BEST1: variants seen among roughly 807,000 people sequenced by gnomAD.
BEST1 encodes the protein bestrophin-1.
Under a neutral mutation model 63.3 loss-of-function variants are expected in BEST1, and 58 were observed. The ratio of observed to expected loss-of-function variants is 0.92; its 90% CI spans 0.74 to 1.14. BEST1 has a LOEUF of 1.14. Ranked by LOEUF, BEST1 falls within the 50% of genes most tolerant of loss-of-function variation. BEST1 has a pLI of 0.00. For synonymous variants in BEST1, 283 were observed against 291.6 expected (o/e 0.97, Z 0.30); for missense variants, 671 against 740.1 (o/e 0.91, Z 1.08).
Position 61,956,871 on chromosome 11 carries a change from A to G in BEST1, c.509A>G (p.Gln170Arg). Reference sequence around the variant, plus strand: ...TTTATGACTCCGGCAGAACACAAGCAGTTGGAGAAACTGAGCCTACCACAC... The same window carrying G: ...TTTATGACTCCGGCAGAACACAAGCGGTTGGAGAAACTGAGCCTACCACAC... ...AGFMTPAEHK[Q>R]LEKLSLPHNM... is the part of the protein sequence containing the mutation. The change falls in exon 5 of 11, where the codon CAG becomes CGG. Residue 170 changes from glutamine (Q) to arginine (R), a missense_variant. Physicochemically the swap from Gln to Arg is conservative, Grantham distance 43 (BLOSUM62 1). Transcript: ENST00000378043. 1 of 1,614,146 alleles carries G rather than the reference A, an allele frequency of 6.2e-7. No homozygotes were observed. The highest frequency in any genetic ancestry group is 8.5e-7 in the Non-Finnish European group (1 of 1,180,026).
Position 61,964,298 on chromosome 11 carries a change from G to T in BEST1, c.*176G>T, listed in dbSNP as rs1942375936. 5.7e-6 allele frequency: 7 copies of T among 1,235,592 alleles called. No homozygotes were observed. The South Asian group carries it at 1.0e-4, about 18-fold the overall frequency. The allele number at this position is 1,235,592 out of a possible 1,614,324, so 76.5% of individuals were successfully genotyped here. Reference sequence around the variant, plus strand: ...ATCCCAGACTACTTCAGCCTTTAATGCCTTTTATTCATAAAAACTGTGAAA... The same window carrying T: ...ATCCCAGACTACTTCAGCCTTTAATTCCTTTTATTCATAAAAACTGTGAAA... On this transcript the variant is annotated 3_prime_UTR_variant, in exon 11 of 11. Transcript: ENST00000378043.
intron 7 of BEST1, chr11:61,959,022 G>A (rs1164370354): frequency 3.5e-5 from 9 of 253,546 alleles, no homozygotes; most frequent in Non-Finnish European, 7.1e-5. Flanking sequence ...TCTCCGGGGT[G>A]CCCCAGTGGC....
At chr11:61,964,795 G>T (rs755879430), downstream of BEST1, 5 of 1,599,982 alleles carry the variant, frequency 3.1e-6, no homozygotes, top group Non-Finnish European at 4.2e-6. Flanking sequence ...CCAGATTCGG[G>T]CGCTCCCATC....
At chr11:61,955,240 C>T (rs1014690926) in intron 3 of BEST1, 39 bp downstream of exon 3, 2 of 1,613,860 alleles carry the variant, frequency 1.2e-6, no homozygotes. Context: ...TCCCTGTGGC[C>T]GCCCAGGCTC....
chr11:61,955,566 G>A, intron 3 of BEST1, 152 bp from the exon 4 acceptor site: 1 of 1,033,538 alleles, frequency 9.7e-7, no homozygotes, highest in Non-Finnish European at 1.4e-6. Flanking sequence ...GGCTCTGCCT[G>A]CCTCTCGCTC....
chr11:61,955,603 G>T, intron 3 of BEST1, 115 bp from the exon 4 acceptor site: 3 of 1,257,080 alleles, frequency 2.4e-6, no homozygotes, highest in South Asian at 2.7e-5. Context: ...AGGGCTGGGG[G>T]CTAGGCCCGC....
chr11:61,952,218 G>A lies in BEST1; in HGVS notation c.152+260G>A, dbSNP rs574478054. On this transcript the variant is annotated intron_variant, in intron 2 of 10. Coordinates refer to ENST00000378043, the MANE Select transcript of BEST1 (RefSeq NM_004183.4). The stretch of plus-strand genomic sequence containing the variant: ...TCCTCCAACCCCAGGAGGACCCCTG[G>A]AGCCCAGGCTTTGTCTGGCCCCACT... 8.8e-4 allele frequency among the ~76,000 whole-genome samples: 134 copies of A among 152,218 alleles called. 1 individual carries two copies. The highest frequency in any genetic ancestry group is 1.5e-3 in the Non-Finnish European group (100 of 68,008).
chr11:61,961,947 G>A (rs1942107076), intron 9 of BEST1: 2 of 425,552 alleles, frequency 4.7e-6, no homozygotes, highest in African/African-American at 2.0e-5. Context: ...ACTGCCTGGA[G>A]TGAGGGGTTT....
At chr11:61,955,268 G>A (rs1312376693) in intron 3 of BEST1, 67 bp downstream of exon 3, 1 of 1,450,246 alleles carries the variant, frequency 6.9e-7, no homozygotes, top group Non-Finnish European at 9.3e-7. Flanking sequence ...GCCAGGGGAG[G>A]ATCACGAGGA....
At chr11:61,964,702 G>A (rs756494937), downstream of BEST1, 16 of 1,597,000 alleles carry the variant, frequency 1.0e-5, no homozygotes, top group African/African-American at 9.4e-5. Context: ...GTCACCCCAC[G>A]GCTATGGGGA....
intron 3 of BEST1, chr11:61,955,420 C>T: frequency 7.0e-7 from 1 of 1,425,456 alleles, no homozygotes; most frequent in Non-Finnish European, 9.2e-7. Context: ...ATGAAAACCC[C>T]ATTTTCTGAG....
intron 2 of BEST1, among the ~76,000 whole-genome samples, chr11:61,953,791 C>T (rs1043763134): frequency 3.3e-5 from 5 of 152,068 alleles, no homozygotes; most frequent in Admixed American, 2.6e-4. Flanking sequence ...GAGGCTGAAG[C>T]GGGAGGATTG....
At chr11:61,962,120 T>G in intron 9 of BEST1, 135 bp from the exon 10 acceptor site, 3 of 864,108 alleles carry the variant, frequency 3.5e-6, no homozygotes, top group Non-Finnish European at 5.6e-6. Context: ...AGGTGAGAGC[T>G]GGGGCATGGT....
chr11:61,955,662 TG>T, intron 3 of BEST1, 55 bp from the exon 4 acceptor site: 1 of 1,515,896 alleles, frequency 6.6e-7, no homozygotes, highest in Non-Finnish European at 8.9e-7. Context: ...CGCTGGGCCC[TG>T]GGCTCTGGCC....
chr11:61,951,980 C>CG lies in BEST1; in HGVS notation c.152+28dup, dbSNP rs756016770. On this transcript the variant is annotated intron_variant, in intron 2 of 10. Transcript: ENST00000378043. ...ATAGGTAAAGCTGGCAGGGCTGGGC[C>CG]GGGGGGCCTGGGAAGGATGTGGCTG... The CG allele has an allele frequency of 2.5e-6, 4 of 1,612,254 alleles. No individual in the cohort carries two copies. The South Asian group carries it at 3.3e-5, about 13-fold the overall frequency.
intron 6 of BEST1, among the ~76,000 whole-genome samples, chr11:61,957,938 C>T (rs1941563038): frequency 6.6e-6 from 1 of 151,774 alleles, no homozygotes; most frequent in Middle Eastern, 3.2e-3. Context: ...CATGCCACTG[C>T]ACTCCAGCCT....
downstream of BEST1, chr11:61,965,171 C>T: frequency 6.2e-7 from 1 of 1,601,626 alleles, no homozygotes; most frequent in Non-Finnish European, 8.5e-7. Flanking sequence ...GCAAGCCCAT[C>T]ATCTCTAACC....
At chr11:61,958,059 C>A in intron 6 of BEST1, 87 bp from the exon 7 acceptor site, 1 of 1,605,656 alleles carries the variant, frequency 6.2e-7, no homozygotes, top group Non-Finnish European at 8.5e-7. Context: ...GCCTTGGTCT[C>A]CTGTCTCAGA....
downstream of BEST1, chr11:61,965,017 G>C (rs752558122): frequency 1.9e-6 from 3 of 1,613,802 alleles, no homozygotes; most frequent in Admixed American, 5.0e-5. Context: ...TGGCCAGTTT[G>C]TGCAGTTCCA....
Sources: gnomAD v4.1 joint callset for allele counts (sites outside exome capture counted in the v4.1 genomes callset) on GRCh38, gnomAD v4.1.1 for gene constraint, MANE v1.5 for transcripts, NCBI Gene and HGNC (gene_info 2026-07-23, HGNC 2026-07-21) for gene names.